TMEM184B: variants seen among roughly 807,000 people sequenced by gnomAD.
The protein encoded by TMEM184B is putative MAPK-activating protein FM08.
In TMEM184B, 17 loss-of-function variants were observed where a neutral mutation model predicts 41.8. The ratio of observed to expected loss-of-function variants is 0.41; its 90% confidence interval spans 0.28 to 0.61. The LOEUF is 0.61. Among genes scored for constraint, TMEM184B ranks in the 20% least tolerant of loss-of-function variants. The pLI, the probability that TMEM184B is intolerant of heterozygous loss-of-function variation, is 0.34. For synonymous variants in TMEM184B, 240 were observed against 229.5 expected, an observed-to-expected ratio of 1.05 and a Z score of -0.41; for missense variants, 393 against 557.8, an observed-to-expected ratio of 0.70 and a Z score of 2.98.
chr22:38,257,966 C>G (rs950490832), intron 1 of TMEM184B, among the ~76,000 whole-genome samples: 2 of 152,298 alleles, frequency 1.3e-5, no homozygotes, highest in South Asian at 4.1e-4. Flanking sequence ...CCCCCTGGCT[C>G]AGTTCCAGGC....
Position 38,220,839 on chromosome 22 carries a change from G to A in TMEM184B, c.*630C>T, listed in dbSNP as rs1165299788. The stretch of plus-strand genomic sequence containing the variant: ...AAGCCCCTGCTTCAACAGAAGCGGT[G>A]CCCAGGGGCCCTGAATGCCCTTCCT... On this transcript the variant is annotated 3_prime_UTR_variant, in exon 9 of 9. Transcript: ENST00000361906. 2 of 986,016 alleles carry A rather than the reference G, an allele frequency of 2.0e-6. No homozygotes were observed. The highest frequency in any genetic ancestry group is 2.4e-6 in the Non-Finnish European group (2 of 830,140). 61.1% of individuals were successfully genotyped at this position (986,016 alleles called of 1,614,324 possible). A position where few individuals can be genotyped will look rare whatever the true frequency, so the allele number is the denominator to read the frequency against.
intron 3 of TMEM184B, chr22:38,231,678 G>A (rs1040617809): frequency 2.2e-6 from 1 of 463,758 alleles, no homozygotes; most frequent in Non-Finnish European, 4.0e-6. Context: ...AGGGCTGGCA[G>A]TGTCGACCCT....
chr22:38,225,777 G>A lies in TMEM184B; in HGVS notation c.618-184C>T, dbSNP rs1040354182. On this transcript the variant is annotated intron_variant, in intron 6 of 8. Coordinates refer to ENST00000361906, the MANE Select transcript of TMEM184B (RefSeq NM_012264.5). This position sits in a 1 kb window ranked among gnomAD's most constrained non-coding sequence, Gnocchi z 4.4. ...ACAGGGGTGGGGGTACATGGGGTGC[G>A]CCTGCAGGCCAGACCAGCTCTACTG... 6.6e-6 allele frequency among the ~76,000 whole-genome samples: 1 copy of A among 152,174 alleles called. No homozygotes were observed. The highest frequency in any genetic ancestry group is 1.5e-5 in the Non-Finnish European group (1 of 68,038).
Position 38,219,882 on chromosome 22 carries a change from G to T in TMEM184B, c.*1587C>A, listed in dbSNP as rs2091212594. 1 of 985,416 alleles carries T rather than the reference G, an allele frequency of 1.0e-6. No homozygotes were observed. The highest frequency in any genetic ancestry group is 1.1e-4 in the East Asian group (1 of 8,810). The allele number at this position is 985,416 out of a possible 1,614,324, so 61.0% of individuals were successfully genotyped here. A position where few individuals can be genotyped will look rare whatever the true frequency, so the allele number is the denominator to read the frequency against. On this transcript the variant is annotated 3_prime_UTR_variant, in exon 9 of 9. Transcript: ENST00000361906. ...GATGGAGGGGGAGAGCTGGCCTCTGGCACCCACATGCAGGCCTCTGCCACG... is the reference window on the plus strand; with the variant it reads ...GATGGAGGGGGAGAGCTGGCCTCTGTCACCCACATGCAGGCCTCTGCCACG...
chr22:38,231,512 C>T, intron 3 of TMEM184B, 178 bp from the exon 4 acceptor site: 1 of 713,656 alleles, frequency 1.4e-6, no homozygotes, highest in South Asian at 1.5e-5. Flanking sequence ...ATCTGACCTC[C>T]CACTCCTAAG....
At chr22:38,252,415 G>C (rs772797951) in intron 1 of TMEM184B, among the ~76,000 whole-genome samples, 1 of 152,208 alleles carries the variant, frequency 6.6e-6, no homozygotes, top group Admixed American at 6.5e-5. Flanking sequence ...ACATGACAGA[G>C]GGCCCTGATG....
intron 1 of TMEM184B, among the ~76,000 whole-genome samples, chr22:38,256,386 G>C (rs1249797318): frequency 2.0e-5 from 3 of 151,924 alleles, no homozygotes; most frequent in African/African-American, 4.8e-5. Context: ...CCTAATTTTT[G>C]TATTTTTAGT....
chr22:38,225,367 G>T lies in TMEM184B; in HGVS notation c.787+57C>A. The T allele has an allele frequency of 6.7e-7, 1 of 1,503,012 alleles. No homozygotes were observed. The highest frequency in any genetic ancestry group is 8.9e-7 in the Non-Finnish European group (1 of 1,127,592). The allele number at this position is 1,503,012 out of a possible 1,614,324, so 93.1% of individuals were successfully genotyped here. On this transcript the variant is annotated intron_variant, in intron 7 of 8. Coordinates refer to ENST00000361906, the MANE Select transcript of TMEM184B (RefSeq NM_012264.5). This position sits in a 1 kb window ranked among gnomAD's most constrained non-coding sequence, Gnocchi z 4.4. ...GGGACCATAAGCAGAAGGGGCAGCA[G>T]GAAGCGCAGAGGACAGGGTGGCATG...
At chr22:38,230,488 C>A (rs1569021161) in intron 5 of TMEM184B, among the ~76,000 whole-genome samples, 181 bp downstream of exon 5, 1 of 152,316 alleles carries the variant, frequency 6.6e-6, no homozygotes, top group South Asian at 2.1e-4. Context: ...CGGTCGCTGC[C>A]CCTCCAAGCA....
At chr22:38,217,344 CA>C (rs1162132402), downstream of TMEM184B, among the ~76,000 whole-genome samples, 1 of 42,450 alleles carries the variant, frequency 2.4e-5, no homozygotes, top group Non-Finnish European at 4.1e-5. Context: ...ACAACAACAA[CA>C]AAAAAAAAAC....
rs1033421942 is a variant in TMEM184B, at chr22:38,225,269, C to T, written c.787+155G>A. On this transcript the variant is annotated intron_variant, in intron 7 of 8. Transcript: ENST00000361906. This position sits in a 1 kb window ranked among gnomAD's most constrained non-coding sequence, Gnocchi z 4.4. ...CTCCCTAGCCCCTGGGAAAGGCCCT[C>T]GAGGGCTCAGATTTCACCCCCAGCA... 6.6e-6 allele frequency among the ~76,000 whole-genome samples: 1 copy of T among 152,134 alleles called. No homozygotes were observed. The highest frequency in any genetic ancestry group is 1.5e-5 in the Non-Finnish European group (1 of 68,014).
At chr22:38,241,899 A>AAAAAAAAAAAAAAAAAAAAAAAAAC (rs2091917320) in intron 3 of TMEM184B, among the ~76,000 whole-genome samples, 1 of 149,894 alleles carries the variant, frequency 6.7e-6, no homozygotes, top group Non-Finnish European at 1.5e-5. Context: ...AAAAAAAAAA[A>AAAAAAAAAAAAAAAAAAAAAAAAAC]AAAAAAAAGA....
chr22:38,237,346 A>T (rs1378368900), intron 3 of TMEM184B, among the ~76,000 whole-genome samples: 1 of 152,246 alleles, frequency 6.6e-6, no homozygotes, highest in African/African-American at 2.4e-5. Context: ...CAGGAGGCAG[A>T]CACACTCATA....
chr22:38,230,214 A>G (rs5750569), intron 5 of TMEM184B, among the ~76,000 whole-genome samples: 291 of 112,060 alleles, frequency 2.6e-3, no homozygotes, highest in Middle Eastern at 0.014. Flanking sequence ...ACCACAGGGA[A>G]GTCAGCCCAG....
rs2146041228 is a variant in TMEM184B at position 38,220,491 on chromosome 22, C to T, written c.*978G>A. ...ATTCCCCCCACCTCCCAGCTCCCCA[C>T]TGTGTGGCCACCCCTCCCGGTCTCC... On this transcript the variant is annotated 3_prime_UTR_variant, in exon 9 of 9. Coordinates refer to ENST00000361906, the MANE Select transcript of TMEM184B (RefSeq NM_012264.5). The T allele has an allele frequency of 1.0e-6, 1 of 985,964 alleles. No homozygotes were observed. The highest frequency in any genetic ancestry group is 1.7e-5 in the African/African-American group (1 of 57,350). 61.1% of individuals were successfully genotyped at this position (985,964 alleles called of 1,614,324 possible). A position where few individuals can be genotyped will look rare whatever the true frequency, so the allele number is the denominator to read the frequency against.
chr22:38,234,340 G>A (rs1465811518), intron 3 of TMEM184B, among the ~76,000 whole-genome samples: 1 of 152,142 alleles, frequency 6.6e-6, no homozygotes, highest in African/African-American at 2.4e-5. Flanking sequence ...TGAGGGAACC[G>A]AGGCCTTCAG....
In TMEM184B at chr22:38,220,733, C is replaced by T. The variant is rs1157806628; in HGVS notation, c.*736G>A. 5 of 986,224 alleles carry T rather than the reference C, an allele frequency of 5.1e-6. No homozygotes were observed. Among genetic ancestry groups the T allele is most frequent in the Non-Finnish European group, 6.0e-6 (5 of 830,338 alleles). The allele number at this position is 986,224 out of a possible 1,614,324, so 61.1% of individuals were successfully genotyped here. A position where few individuals can be genotyped will look rare whatever the true frequency, so the allele number is the denominator to read the frequency against. ...GTGAGCCGGCAGTGCGGGCTGTGGGCTGTCCTTGGTAGGCCAGGGGGAAGG... is the reference window on the plus strand; with the variant it reads ...GTGAGCCGGCAGTGCGGGCTGTGGGTTGTCCTTGGTAGGCCAGGGGGAAGG... On this transcript the variant is annotated 3_prime_UTR_variant, in exon 9 of 9. Coordinates refer to ENST00000361906, the MANE Select transcript of TMEM184B (RefSeq NM_012264.5).
At chr22:38,248,099 C>G (rs2092079629) in intron 1 of TMEM184B, 80 bp from the exon 2 acceptor site, 1 of 1,446,210 alleles carries the variant, frequency 6.9e-7, no homozygotes, top group Admixed American at 2.5e-5. Flanking sequence ...GTCTCTCCAC[C>G]CACCTCCTGA....
chr22:38,238,556 T>G (rs2091836380), intron 3 of TMEM184B, among the ~76,000 whole-genome samples: 1 of 152,212 alleles, frequency 6.6e-6, no homozygotes, highest in Non-Finnish European at 1.5e-5. Context: ...TGGCTCTATC[T>G]GCAAGAGCCA....
Sources: gnomAD v4.1 joint callset for allele counts (sites outside exome capture counted in the v4.1 genomes callset) on GRCh38, gnomAD v4.1.1 for gene constraint, Gnocchi (gnomAD v3.1) non-coding constraint, MANE v1.5 for transcripts, NCBI Gene and HGNC (gene_info 2026-07-23, HGNC 2026-07-21) for gene names.